SLC35F5: variants seen among roughly 807,000 people sequenced by gnomAD.
The protein encoded by SLC35F5 is HCV NS5A-transactivated protein 3.
Under a neutral mutation model 68.6 loss-of-function variants are expected in SLC35F5, and 54 were observed. The observed-to-expected ratio is 0.79, with a 90% confidence interval of 0.63 to 0.99. SLC35F5 has a LOEUF of 0.99. Among genes scored for constraint, SLC35F5 ranks in the 50% least tolerant of loss-of-function variants. The pLI is 0.00. For synonymous variants in SLC35F5, 211 were observed against 205.2 expected, an observed-to-expected ratio of 1.03 and a Z score of -0.24; for missense variants, 567 against 626.9, an observed-to-expected ratio of 0.90 and a Z score of 1.02.
chr2:113,743,582 G>T (rs1676369420), intron 6 of SLC35F5, 131 bp downstream of exon 6: 2 of 584,794 alleles, frequency 3.4e-6, no homozygotes, highest in Admixed American at 5.4e-5. Flanking sequence ...CAAACTTCTA[G>T]AAGACTATAG....
rs1559308631 is a variant in SLC35F5 at position 113,713,128 on chromosome 2, C to CA, written c.*2089dup. On this transcript the variant is annotated 3_prime_UTR_variant, in exon 16 of 16. Coordinates refer to ENST00000245680, the MANE Select transcript of SLC35F5 (RefSeq NM_025181.5). The stretch of plus-strand genomic sequence containing the variant: ...GATAAATAAAACCTGTGAGAAAAAG[C>CA]AAACAGGTGGGCAAGCAAAGCGGCA... The CA allele has an allele frequency of 6.6e-6, 1 of 152,156 alleles. No individual in the cohort carries two copies. Among genetic ancestry groups the CA allele is most frequent in the Non-Finnish European group, 1.5e-5 (1 of 68,028 alleles). 9.4% of individuals were successfully genotyped at this position (152,156 alleles called of 1,614,324 possible).
Position 113,755,489 on chromosome 2 carries a change from A to C in SLC35F5, c.96T>G (p.Ile32Met), listed in dbSNP as rs1676939733. The change falls in exon 2 of 16, where the codon ATT becomes ATG. Residue 32 changes from isoleucine (I) to methionine (M), a missense_variant. Physicochemically the swap from Ile to Met is conservative, Grantham distance 10. Transcript: ENST00000245680. ...FRLRSAKFSG[I>M]ALEDLRRALK... ...GAGCCCTTCTGAGATCCTCAAGAGC[A>C]ATGCCGGAAAACTTGGCAGATCTCA... 1.2e-6 allele frequency: 2 copies of C among 1,614,174 alleles called. No homozygotes were observed. Among genetic ancestry groups the C allele is most frequent in the Non-Finnish European group, 1.7e-6 (2 of 1,180,014 alleles).
intron 13 of SLC35F5, 25 bp from the exon 14 acceptor site, chr2:113,719,333 A>C: frequency 2.6e-6 from 4 of 1,531,818 alleles, no homozygotes; most frequent in Non-Finnish European, 3.5e-6. Flanking sequence ...TAGAGGAAAA[A>C]ACACACCCAC....
chr2:113,714,371 A>G lies in SLC35F5; in HGVS notation c.*847T>C, dbSNP rs1338643609. On this transcript the variant is annotated 3_prime_UTR_variant, in exon 16 of 16. Transcript: ENST00000245680. ...ACACAAATAGACGTATAAACATTGTATTTTAATAATACTCTTTGTCACTTC... is the reference window on the plus strand; with the variant it reads ...ACACAAATAGACGTATAAACATTGTGTTTTAATAATACTCTTTGTCACTTC... 6.6e-6 allele frequency: 1 copy of G among 152,130 alleles called. No homozygotes were observed. 9.4% of individuals were successfully genotyped at this position (152,130 alleles called of 1,614,324 possible). A position where few individuals can be genotyped will look rare whatever the true frequency, so the allele number is the denominator to read the frequency against.
chr2:113,731,154 G>A (rs944219770), intron 10 of SLC35F5, among the ~76,000 whole-genome samples: 13 of 151,946 alleles, frequency 8.6e-5, no homozygotes, highest in South Asian at 4.2e-4. Context: ...CCAACTAGGT[G>A]GTACCCTACA....
At chr2:113,755,750 G>C (rs1418112189) in intron 1 of SLC35F5, 1 of 1,139,926 alleles carries the variant, frequency 8.8e-7, no homozygotes, top group Non-Finnish European at 1.3e-6. Context: ...CGCGATACGG[G>C]GCGGGCAGGG....
At chr2:113,756,071 T>C in intron 1 of SLC35F5, 1 of 1,457,050 alleles carries the variant, frequency 6.9e-7, no homozygotes, top group Non-Finnish European at 9.0e-7. Flanking sequence ...CCAGTCATTT[T>C]AAAAGAAACA....
chr2:113,756,531 C>T lies in SLC35F5; in HGVS notation c.-122G>A. 1.3e-6 allele frequency: 2 copies of T among 1,488,992 alleles called. No individual in the cohort carries two copies. Among genetic ancestry groups the T allele is most frequent in the Non-Finnish European group, 1.8e-6 (2 of 1,123,382 alleles). 92.2% of individuals were successfully genotyped at this position (1,488,992 alleles called of 1,614,324 possible). A position where few individuals can be genotyped will look rare whatever the true frequency, so the allele number is the denominator to read the frequency against. On this transcript the variant is annotated 5_prime_UTR_variant, in exon 1 of 16. Coordinates refer to ENST00000245680, the MANE Select transcript of SLC35F5 (RefSeq NM_025181.5). ...GCCCAGCTCCTGAAGACGCGGTGCCCCTCAGGGAGAGGCTCCCGACACCAC... is the reference window on the plus strand; with the variant it reads ...GCCCAGCTCCTGAAGACGCGGTGCCTCTCAGGGAGAGGCTCCCGACACCAC...
chr2:113,749,947 CATATT>C lies in SLC35F5; in HGVS notation c.417+473_417+477del, dbSNP rs914369600. Among the ~76,000 whole-genome samples the C allele has an allele frequency of 1.5e-4, 23 of 152,140 alleles. No homozygotes were observed. The South Asian group carries it at 1.7e-3, about 11-fold the overall frequency. ...TATTTCTTTCAACACTATGAATGAGCATATTATATTATATTACATCAATCAAAGAA... is the reference window on the plus strand; with the variant it reads ...TATTTCTTTCAACACTATGAATGAGCATATTATATTACATCAATCAAAGAA... On this transcript the variant is annotated intron_variant, in intron 4 of 15. Coordinates refer to ENST00000245680, the MANE Select transcript of SLC35F5 (RefSeq NM_025181.5).
chr2:113,738,808 T>C (rs142087559), intron 7 of SLC35F5, among the ~76,000 whole-genome samples: 1,634 of 152,290 alleles, frequency 0.011, 22 homozygotes, highest in Middle Eastern at 0.051. Context: ...CTGGTCTGAA[T>C]TGAAAAGTGC....
At chr2:113,753,495 G>A (rs949147860) in intron 3 of SLC35F5, among the ~76,000 whole-genome samples, 2 of 151,974 alleles carry the variant, frequency 1.3e-5, no homozygotes, top group African/African-American at 4.8e-5. Context: ...AAAGTTTAAT[G>A]AGCATAACTG....
chr2:113,730,811 C>T (rs1376266009), intron 10 of SLC35F5, among the ~76,000 whole-genome samples: 1 of 152,150 alleles, frequency 6.6e-6, no homozygotes, highest in Non-Finnish European at 1.5e-5. Context: ...ATAGCAGTAA[C>T]TATGAATCAA....
intron 4 of SLC35F5, among the ~76,000 whole-genome samples, chr2:113,748,952 C>T (rs1039617112): frequency 1.3e-5 from 2 of 152,122 alleles, no homozygotes; most frequent in East Asian, 1.9e-4. Context: ...TACAGGAGTG[C>T]GCCACCATGC....
chr2:113,735,779 G>T lies in SLC35F5; in HGVS notation c.830C>A (p.Ser277Tyr). The change falls in exon 8 of 16, where the codon TCC becomes TAC. Residue 277 changes from serine to tyrosine, a missense_variant and splice_region_variant. Physicochemically the swap from Ser to Tyr is moderately radical, Grantham distance 144. Coordinates refer to ENST00000245680, the MANE Select transcript of SLC35F5 (RefSeq NM_025181.5). ...VAIVNILSSTSGLFTLILAAV... is the reference protein window; with the variant it reads ...VAIVNILSSTYGLFTLILAAV... ...ATTTTTAAAGACAAATTTCTTACCG[G>T]AAGTTGAAGATAAAATATTAACTAT... is the stretch of plus-strand genomic sequence containing the variant. 6.3e-7 allele frequency: 1 copy of T among 1,595,100 alleles called. No individual in the cohort carries two copies.
At chr2:113,722,677 C>T (rs1197239116) in intron 13 of SLC35F5, among the ~76,000 whole-genome samples, 1 of 152,170 alleles carries the variant, frequency 6.6e-6, no homozygotes, top group Non-Finnish European at 1.5e-5. Flanking sequence ...GATGGGATAC[C>T]CACTCTGCTG....
At chr2:113,744,367 T>C (rs1384078251) in intron 5 of SLC35F5, among the ~76,000 whole-genome samples, 1 of 152,174 alleles carries the variant, frequency 6.6e-6, no homozygotes, top group Non-Finnish European at 1.5e-5. Context: ...TTACACAAAA[T>C]AGCTACTACT....
At position 113,740,007 on chromosome 2, in the gene SLC35F5, C is replaced by T. The variant is rs189097330; in HGVS notation, c.750+2685G>A. 1.3e-3 allele frequency among the ~76,000 whole-genome samples: 203 copies of T among 152,260 alleles called. 1 individual carries two copies. The highest frequency in any genetic ancestry group is 7.6e-3 in the Admixed American group (116 of 15,288). On this transcript the variant is annotated intron_variant, in intron 7 of 15. Transcript: ENST00000245680. ...ATCATCACAGAAAGGTCTTCATCCT[C>T]GTCATCCTCATGTTGTGTAAGAAGG...
In SLC35F5 at chr2:113,709,329, G is replaced by C. The variant is rs949967951; in HGVS notation, c.*5889C>G. ...AAGCACTAAGCACACACAGGTGTTTGGCATTGTCTCTGGAACTACAAAATT... is the reference window on the plus strand; with the variant it reads ...AAGCACTAAGCACACACAGGTGTTTCGCATTGTCTCTGGAACTACAAAATT... On this transcript the variant is annotated 3_prime_UTR_variant, in exon 16 of 16. Transcript: ENST00000245680. Among the ~76,000 whole-genome samples, 1 of 152,116 alleles carries C rather than the reference G, an allele frequency of 6.6e-6. No individual in the cohort carries two copies.
At chr2:113,703,460 C>T (rs1686734941), downstream of SLC35F5, among the ~76,000 whole-genome samples, 1 of 152,042 alleles carries the variant, frequency 6.6e-6, no homozygotes, top group Admixed American at 6.6e-5. Flanking sequence ...CTTACCAAAC[C>T]CCAACAGCAA....
Sources: allele counts gnomAD v4.1 joint callset (sites outside exome capture counted in the v4.1 genomes callset), GRCh38; gene constraint gnomAD v4.1.1; transcripts MANE v1.5; gene names NCBI Gene and HGNC (gene_info 2026-07-23, HGNC 2026-07-21).